The following TENM4 variants were observed in gnomAD, a reference collection of about 807,000 sequenced individuals.
The protein encoded by TENM4 is teneurin-4.
Under a neutral mutation model 243.3 loss-of-function variants are expected in TENM4, and 82 were observed. The observed-to-expected ratio is 0.34, with a 90% confidence interval of 0.28 to 0.40. The LOEUF is 0.40. Ranked by LOEUF, TENM4 falls within the 10% of genes least tolerant of loss-of-function variation. The probability of loss-of-function intolerance (pLI) is 1.00; values close to 1 mark genes in which losing one functional copy is unlikely to be tolerated. For synonymous variants in TENM4, 1,412 were observed against 1,456.3 expected (o/e 0.97, Z 0.69); for missense variants, 3,138 against 3,673.3 (o/e 0.85, Z 3.77).
chr11:79,041,537 G>C (rs1311696039), intron 6 of TENM4, among the ~76,000 whole-genome samples: 1 of 149,254 alleles, frequency 6.7e-6, no homozygotes, highest in African/African-American at 2.5e-5. Flanking sequence ...TTTCTTTCCT[G>C]GAGAAGATTC....
At chr11:78,708,970 T>C (rs1163993862) in intron 26 of TENM4, among the ~76,000 whole-genome samples, 3 of 73,634 alleles carry the variant, frequency 4.1e-5, no homozygotes, top group Non-Finnish European at 5.9e-5. Flanking sequence ...TTTTTCTTTC[T>C]TTTTTTTTTT....
intron 15 of TENM4, among the ~76,000 whole-genome samples, chr11:78,802,815 T>A (rs1380614985): frequency 3.9e-5 from 6 of 152,256 alleles, no homozygotes; most frequent in Non-Finnish European, 8.8e-5. Flanking sequence ...CTGCCTTTTA[T>A]ATTCCTGGCC....
intron 22 of TENM4, among the ~76,000 whole-genome samples, chr11:78,727,826 A>G (rs1208805877): frequency 1.3e-5 from 2 of 152,230 alleles, no homozygotes; most frequent in East Asian, 3.9e-4. Context: ...CTGGGCAGCC[A>G]CTATTTTCCA....
chr11:79,015,764 T>C (rs598792), intron 6 of TENM4, among the ~76,000 whole-genome samples: 95,173 of 151,950 alleles, frequency 0.63, 31,209 homozygotes, highest in African/African-American at 0.77. Context: ...AGCTTCTAGT[T>C]TGGTGAAGAG....
chr11:79,112,447 G>T (rs1183771587), intron 4 of TENM4, among the ~76,000 whole-genome samples: 2 of 152,112 alleles, frequency 1.3e-5, no homozygotes, highest in Admixed American at 6.5e-5. Flanking sequence ...ACAGCTGAGC[G>T]GGGTGATTCA....
chr11:78,704,159 C>CTATATA (rs56026926), intron 27 of TENM4, among the ~76,000 whole-genome samples: 5,412 of 105,504 alleles, frequency 0.051, 150 homozygotes, highest in African/African-American at 0.07. Flanking sequence ...GTATGTGTGT[C>CTATATA]TATATATATA....
chr11:79,170,774 T>A (rs576960632), intron 3 of TENM4, among the ~76,000 whole-genome samples: 147 of 152,288 alleles, frequency 9.7e-4, no homozygotes, highest in Admixed American at 2.5e-3. Context: ...TGGGACACTA[T>A]GTTGTTTAAG....
chr11:78,908,052 G>A (rs1856100484), intron 6 of TENM4, among the ~76,000 whole-genome samples: 1 of 152,146 alleles, frequency 6.6e-6, no homozygotes, highest in Admixed American at 6.5e-5. Context: ...AACACGTTAG[G>A]CAGTTTTCAT....
In TENM4 at chr11:78,688,032, C is replaced by T. The variant is rs146840580; in HGVS notation, c.5260+22G>A. On this transcript the variant is annotated intron_variant, in intron 29 of 33. Transcript: ENST00000278550. ...CTTCCCACCCCTCTGCCTCAAAGTCCCCTGGCCCCCACCTGACTTACCTTG... is the reference window on the plus strand; with the variant it reads ...CTTCCCACCCCTCTGCCTCAAAGTCTCCTGGCCCCCACCTGACTTACCTTG... 2.4e-4 allele frequency: 382 copies of T among 1,611,794 alleles called. No individual in the cohort carries two copies. The African/African-American group carries it at 4.6e-3, about 20-fold the overall frequency.
At chr11:79,427,833 C>T (rs1859087528) in intron 1 of TENM4, among the ~76,000 whole-genome samples, 1 of 152,128 alleles carries the variant, frequency 6.6e-6, no homozygotes, top group African/African-American at 2.4e-5. Context: ...TAAAAGAAGC[C>T]TGGAGAGTAT....
intron 2 of TENM4, among the ~76,000 whole-genome samples, chr11:79,219,300 C>T (rs904700911): frequency 1.7e-4 from 26 of 152,212 alleles, no homozygotes; most frequent in Admixed American, 1.6e-3. Flanking sequence ...AGATGTGGGC[C>T]TCAACAGGCT....
At chr11:79,264,982 G>A (rs1352211129) in intron 2 of TENM4, among the ~76,000 whole-genome samples, 1 of 152,220 alleles carries the variant, frequency 6.6e-6, no homozygotes, top group Non-Finnish European at 1.5e-5. Flanking sequence ...AATGAGTGGA[G>A]GCAGCCAGGT....
chr11:79,207,536 C>G (rs986546102), intron 3 of TENM4, among the ~76,000 whole-genome samples: 1 of 152,140 alleles, frequency 6.6e-6, no homozygotes, highest in Non-Finnish European at 1.5e-5. Flanking sequence ...AGAGCCTGAG[C>G]TCCCTGCCAT....
intron 4 of TENM4, among the ~76,000 whole-genome samples, chr11:79,091,689 C>T (rs550218112): frequency 1.3e-5 from 2 of 152,276 alleles, no homozygotes; most frequent in South Asian, 4.1e-4. Context: ...CAGGTGACTC[C>T]TATGACACTG....
At chr11:78,899,532 C>A (rs1440086083) in intron 7 of TENM4, among the ~76,000 whole-genome samples, 1 of 125,696 alleles carries the variant, frequency 8.0e-6, no homozygotes, top group Non-Finnish European at 1.5e-5. Flanking sequence ...GTGTCAGGAT[C>A]ATGCCACTGC....
intron 7 of TENM4, among the ~76,000 whole-genome samples, chr11:78,893,901 C>A (rs750950315): frequency 4.6e-5 from 7 of 151,984 alleles, no homozygotes; most frequent in African/African-American, 7.3e-5. Flanking sequence ...CACACATATC[C>A]AATATATATA....
intron 1 of TENM4, among the ~76,000 whole-genome samples, chr11:79,333,879 AGGCTGTCT>A (rs943479543): frequency 6.6e-5 from 10 of 152,346 alleles, no homozygotes; most frequent in African/African-American, 2.4e-4. Flanking sequence ...TGTGAGCTCA[AGGCTGTCT>A]GGCTCTAGAG....
intron 15 of TENM4, among the ~76,000 whole-genome samples, chr11:78,790,122 T>C (rs1441390102): frequency 1.3e-5 from 2 of 152,216 alleles, no homozygotes; most frequent in African/African-American, 4.8e-5. Flanking sequence ...GTCAATAAGA[T>C]ATAATCTCTG....
chr11:78,669,127 G>A lies in TENM4; in HGVS notation c.7218C>T (p.Leu2406=). The A allele has an allele frequency of 6.2e-7, 1 of 1,613,750 alleles. No homozygotes were observed. The highest frequency in any genetic ancestry group is 2.2e-5 in the East Asian group (1 of 44,878). Reference sequence around the variant, plus strand: ...GGACAAGCTTGGTGAGTGGATCATAGAGGCCACCATGGTAGCCTATGATGA... The same window carrying A: ...GGACAAGCTTGGTGAGTGGATCATAAAGGCCACCATGGTAGCCTATGATGA... The part of the protein sequence containing the change: ...FQIIIGYHGG[L]YDPLTKLVHM... Residue 2406 remains leucine, a synonymous_variant, in exon 32 of 34, where the codon CTC becomes CTT. Transcript: ENST00000278550. The surrounding 1 kb of genome is among the most constrained non-coding windows in gnomAD (Gnocchi z 6.4).
Sources: gnomAD v4.1 joint callset for allele counts (sites outside exome capture counted in the v4.1 genomes callset) on GRCh38, gnomAD v4.1.1 for gene constraint, Gnocchi (gnomAD v3.1) non-coding constraint, MANE v1.5 for transcripts, NCBI Gene and HGNC (gene_info 2026-07-23, HGNC 2026-07-21) for gene names.